Variants in HAPSTR1 observed in about 807,000 individuals in gnomAD.
The protein encoded by HAPSTR1 is HUWE1 associated protein modifying stress responses.
chr16:9,113,271 C>T, the HAPSTR1 span: 1 of 152,122 alleles, frequency 6.6e-6, no homozygotes, highest in Non-Finnish European at 1.5e-5. Flanking sequence ...AAAATATTTT[C>T]ACTGCTATGA....
chr16:9,091,833 G>A, the HAPSTR1 span: 2 of 396,104 alleles, frequency 5.0e-6, no homozygotes, highest in African/African-American at 4.2e-5. Context: ...GGGGTGGGAA[G>A]GCCTGGGGCG....
the HAPSTR1 span, among the ~76,000 whole-genome samples, chr16:9,093,926 T>C: frequency 6.6e-6 from 1 of 152,134 alleles, no homozygotes; most frequent in African/African-American, 2.4e-5. Context: ...TTTTCAGACT[T>C]TTAAAAGTTG....
At chr16:9,093,080 T>C in the HAPSTR1 span, 10 of 1,364,912 alleles carry the variant, frequency 7.3e-6, no homozygotes, top group Non-Finnish European at 1.0e-5. Flanking sequence ...TCCAAGTGTG[T>C]TTTCTGCTCC....
chr16:9,093,132 T>A, the HAPSTR1 span: 1 of 918,032 alleles, frequency 1.1e-6, no homozygotes, highest in Non-Finnish European at 1.7e-6. Flanking sequence ...AACTTGAGAA[T>A]CGCGGCGGTG....
chr16:9,103,131 C>T, the HAPSTR1 span: 1 of 1,614,018 alleles, frequency 6.2e-7, no homozygotes, highest in Non-Finnish European at 8.5e-7. Context: ...GGAAAAGTTC[C>T]TCCACCACGA....
At chr16:9,115,345 A>G in the HAPSTR1 span, among the ~76,000 whole-genome samples, 1 of 152,210 alleles carries the variant, frequency 6.6e-6, no homozygotes, top group African/African-American at 2.4e-5. Context: ...TATAAGTCCT[A>G]TTCTTTGAAA....
chr16:9,099,587 T>C, the HAPSTR1 span, among the ~76,000 whole-genome samples: 13 of 152,334 alleles, frequency 8.5e-5, 1 homozygote, highest in East Asian at 2.5e-3. Context: ...AACCTTCAAG[T>C]ATGTGGCTCT....
the HAPSTR1 span, among the ~76,000 whole-genome samples, chr16:9,097,409 G>A: frequency 6.6e-6 from 1 of 151,642 alleles, no homozygotes; most frequent in African/African-American, 2.4e-5. Context: ...GCCCAGCTAA[G>A]TTTTTGTATT....
the HAPSTR1 span, chr16:9,116,590 C>T: frequency 1.2e-5 from 19 of 1,535,196 alleles, no homozygotes; most frequent in Non-Finnish European, 1.7e-5. Flanking sequence ...GACATTGTGA[C>T]AACATGGAAA....
the HAPSTR1 span, chr16:9,103,566 T>TTCTGAAGTCAAAGAGGAAG: frequency 1.2e-5 from 3 of 245,086 alleles, no homozygotes. Flanking sequence ...TTTTTTCCTC[T>TTCTGAAGTCAAAGAGGAAG]TCTGAAGTCA....
chr16:9,115,405 T>C, the HAPSTR1 span, among the ~76,000 whole-genome samples: 1 of 152,254 alleles, frequency 6.6e-6, no homozygotes, highest in African/African-American at 2.4e-5. Flanking sequence ...GAGAGAATAG[T>C]GGAAGGGGAA....
At chr16:9,099,984 T>C in the HAPSTR1 span, among the ~76,000 whole-genome samples, 1 of 152,356 alleles carries the variant, frequency 6.6e-6, no homozygotes, top group East Asian at 1.9e-4. Flanking sequence ...GTTTGAGTGG[T>C]AAGGCAATTG....
the HAPSTR1 span, among the ~76,000 whole-genome samples, chr16:9,114,475 CAG>C: frequency 3.9e-5 from 6 of 152,084 alleles, no homozygotes; most frequent in African/African-American, 1.5e-4. Context: ...TGGGCTCACT[CAG>C]GGAGTGAATG....
the HAPSTR1 span, chr16:9,120,008 T>A: frequency 1.3e-5 from 2 of 152,254 alleles, no homozygotes; most frequent in Non-Finnish European, 2.9e-5. Flanking sequence ...TAGAAAATTA[T>A]GAACAGAATG....
At chr16:9,120,636 A>G in the HAPSTR1 span, 1 of 151,294 alleles carries the variant, frequency 6.6e-6, no homozygotes, top group African/African-American at 2.4e-5. Context: ...TATAGTATAT[A>G]CAGGTCTTTT....
chr16:9,093,042 C>G, the HAPSTR1 span: 1 of 1,559,558 alleles, frequency 6.4e-7, no homozygotes, highest in Non-Finnish European at 8.8e-7. Context: ...AGGGAAGGGC[C>G]GCCTGCGTCA....
At chr16:9,103,378 G>C in the HAPSTR1 span, 10 of 1,076,872 alleles carry the variant, frequency 9.3e-6, no homozygotes, top group Non-Finnish European at 1.3e-5. Context: ...TAAACAGCTT[G>C]CTCTAGAAAT....
chr16:9,117,800 G>C, the HAPSTR1 span: 1 of 152,562 alleles, frequency 6.6e-6, no homozygotes, highest in Non-Finnish European at 1.5e-5. Context: ...ATGGATGGTG[G>C]GGTAGGTTTT....
the HAPSTR1 span, among the ~76,000 whole-genome samples, chr16:9,100,417 A>AG: frequency 3.8e-3 from 536 of 142,442 alleles, 4 homozygotes; most frequent in African/African-American, 0.013. Context: ...TTCACAGGAT[A>AG]TTTTTTTTTT....
Sources: allele counts gnomAD v4.1 joint callset (sites outside exome capture counted in the v4.1 genomes callset), GRCh38; gene constraint gnomAD v4.1.1; transcripts MANE v1.5; gene names NCBI Gene and HGNC (gene_info 2026-07-23, HGNC 2026-07-21).